The following ATP11C variants were observed in gnomAD, a reference collection of about 807,000 sequenced individuals.
The protein encoded by ATP11C is ATPase phospholipid transporting 11C (ATP11C blood group), also known as phospholipid-transporting ATPase IG.
In ATP11C, 36 loss-of-function variants were observed where a neutral mutation model predicts 97.4. The ratio of observed to expected loss-of-function variants is 0.37; its 90% CI spans 0.28 to 0.49. The LOEUF (loss-of-function observed/expected upper bound fraction) is 0.49, where lower values mean the gene tolerates loss of function less well. Among genes scored for constraint, ATP11C ranks in the 20% least tolerant of loss-of-function variants. The pLI, the probability that ATP11C is intolerant of heterozygous loss-of-function variation, is 0.98. For synonymous variants in ATP11C, 275 were observed against 290.9 expected (o/e 0.95, Z 0.56); for missense variants, 730 against 824.6 (o/e 0.89, Z 1.40).
At chrX:139,764,733 T>C (rs1349222805) in intron 20 of ATP11C, among the ~76,000 whole-genome samples, 1 of 112,168 alleles carries the variant, frequency 8.9e-6, no homozygotes, top group Non-Finnish European at 1.9e-5. Context: ...AGGTTTTAGT[T>C]GTATTAAATA....
intron 26 of ATP11C, among the ~76,000 whole-genome samples, chrX:139,742,882 T>A (rs1302974261): frequency 0.017 from 19 of 1,101 alleles, no homozygotes; most frequent in African/African-American, 0.034. Flanking sequence ...AAAAAATATA[T>A]ATATATATAT....
intron 1 of ATP11C, among the ~76,000 whole-genome samples, chrX:139,904,046 A>G (rs2084937792): frequency 8.9e-6 from 1 of 111,954 alleles, no homozygotes; most frequent in African/African-American, 3.3e-5. Context: ...TGTCTTTTGT[A>G]AACACTCTAA....
intron 6 of ATP11C, among the ~76,000 whole-genome samples, chrX:139,802,643 G>A (rs979578637): frequency 1.9e-4 from 21 of 111,704 alleles, no homozygotes; most frequent in Middle Eastern, 9.3e-3. Context: ...CTAAAACCAC[G>A]TGAAAAAGTT....
At chrX:139,734,282 A>T (rs890405000) in intron 28 of ATP11C, among the ~76,000 whole-genome samples, 1 of 96,325 alleles carries the variant, frequency 1.0e-5, no homozygotes, top group Non-Finnish European at 2.2e-5. Flanking sequence ...TGGCTCAGAC[A>T]GTTGACATTC....
chrX:139,931,033 C>A (rs1420952777), intron 1 of ATP11C, among the ~76,000 whole-genome samples: 1 of 111,881 alleles, frequency 8.9e-6, no homozygotes, highest in Non-Finnish European at 1.9e-5. Context: ...GCAGATGAAC[C>A]CTTTCTTCCA....
chrX:139,871,516 C>CTTTT (rs1206468631), intron 1 of ATP11C, among the ~76,000 whole-genome samples: 5 of 77,186 alleles, frequency 6.5e-5, no homozygotes, highest in African/African-American at 2.5e-4. Context: ...GCCACCCCCG[C>CTTTT]TTTTTTTTTT....
intron 1 of ATP11C, among the ~76,000 whole-genome samples, chrX:139,919,493 A>ACACACACACACAC (rs1569492588): frequency 2.0e-5 from 2 of 102,274 alleles, no homozygotes; most frequent in African/African-American, 3.7e-5. Flanking sequence ...ACACACACAC[A>ACACACACACACAC]AACTACTTAT....
At chrX:139,735,244 G>A (rs989644909) in intron 28 of ATP11C, among the ~76,000 whole-genome samples, 5 of 111,744 alleles carry the variant, frequency 4.5e-5, no homozygotes, top group Non-Finnish European at 9.4e-5. Context: ...AAATAGCTTA[G>A]CTTCTTTCTC....
chrX:139,896,652 T>TGC (rs1483803935), intron 1 of ATP11C, among the ~76,000 whole-genome samples: 2 of 91,927 alleles, frequency 2.2e-5, no homozygotes, highest in African/African-American at 9.9e-5. Flanking sequence ...TCTCTCTCTC[T>TGC]CTGCCCAGGC....
chrX:139,826,942 G>A, intron 1 of ATP11C, 119 bp from the exon 2 acceptor site: 1 of 741,634 alleles, frequency 1.3e-6, no homozygotes, highest in Non-Finnish European at 1.9e-6. Flanking sequence ...GTAGTAGGGA[G>A]AGGAGAAAAC....
At chrX:139,922,198 GTC>G (rs927137966) in intron 1 of ATP11C, among the ~76,000 whole-genome samples, 6 of 79,644 alleles carry the variant, frequency 7.5e-5, no homozygotes, top group Non-Finnish European at 7.2e-5. Context: ...GAGCAAGACT[GTC>G]TCTCTCTCTC....
rs151150323 is a variant in ATP11C at position 139,866,465 on chromosome X, C to T, written c.28-39642G>A. On this transcript the variant is annotated intron_variant, in intron 1 of 29. Coordinates refer to ENST00000682941, the MANE Select transcript of ATP11C (RefSeq NM_001353812.2). ...AGGCATCGTGGCTCACCCCTATAAT[C>T]CCAGCACATTGGGAAGCCAAGGTGG... is the stretch of plus-strand genomic sequence containing the variant. Among the ~76,000 whole-genome samples, 1,022 of 109,095 alleles carry T rather than the reference C, an allele frequency of 9.4e-3. 7 individuals carry two copies. Among genetic ancestry groups the T allele is most frequent in the Middle Eastern group, 0.019 (4 of 214 alleles). The allele number at this position is 109,095 out of a possible 115,157, so 94.7% of individuals were successfully genotyped here. A position where few individuals can be genotyped will look rare whatever the true frequency, so the allele number is the denominator to read the frequency against.
chrX:139,749,853 A>G (rs2081773328), intron 24 of ATP11C, among the ~76,000 whole-genome samples, 172 bp downstream of exon 24: 1 of 112,033 alleles, frequency 8.9e-6, no homozygotes, highest in African/African-American at 3.2e-5. Context: ...CACCTAGGAA[A>G]TATGTCATTT....
chrX:139,749,550 T>C (rs1028556220), intron 24 of ATP11C, among the ~76,000 whole-genome samples: 3 of 111,856 alleles, frequency 2.7e-5, no homozygotes, highest in Non-Finnish European at 5.6e-5. Context: ...TATGAGTCCA[T>C]TATTTTCTTC....
At chrX:139,866,343 C>CAAAAAAAAAAAAAAAAAA (rs57250412) in intron 1 of ATP11C, among the ~76,000 whole-genome samples, 8 of 27,546 alleles carry the variant, frequency 2.9e-4, no homozygotes, top group Admixed American at 5.9e-4. Context: ...GACTCTGTCT[C>CAAAAAAAAAAAAAAAAAA]AAAAAAAAAA....
At chrX:139,912,280 C>T (rs1010990152) in intron 1 of ATP11C, among the ~76,000 whole-genome samples, 4 of 108,756 alleles carry the variant, frequency 3.7e-5, no homozygotes, top group Admixed American at 2.0e-4. Flanking sequence ...TCTAAGTTTG[C>T]ATACATACAT....
At chrX:139,824,641 C>G (rs1341286244) in intron 2 of ATP11C, among the ~76,000 whole-genome samples, 3 of 111,243 alleles carry the variant, frequency 2.7e-5, no homozygotes, top group Admixed American at 9.5e-5. Context: ...GAGCCAAGAT[C>G]GCGCCACTGA....
At position 139,796,298 on chromosome X, in the gene ATP11C, G is replaced by C; in HGVS notation, c.1181C>G (p.Ser394Ter). The change falls in exon 12 of 30, where the codon TCA (serine) becomes TGA (stop). Residue 394 changes from serine to a stop codon, truncating the protein, a stop_gained. Transcript: ENST00000682941. LOFTEE classifies it high-confidence loss of function. ...CTGACCAAGTTCTTCATTAAGGTCTGATGTGTTAACCAGGGCTCCTTCATT... is the reference window on the plus strand; with the variant it reads ...CTGACCAAGTTCTTCATTAAGGTCTCATGTGTTAACCAGGGCTCCTTCATT... The part of the protein sequence containing the change: ...EINEGALVNT[S>*]DLNEELGQVD... The C allele has an allele frequency of 3.3e-6, 4 of 1,203,827 alleles. No individual in the cohort carries two copies. The highest frequency in any genetic ancestry group is 4.5e-6 in the Non-Finnish European group (4 of 891,378).
chrX:139,883,027 G>C (rs2084585535), intron 1 of ATP11C, among the ~76,000 whole-genome samples: 1 of 111,359 alleles, frequency 9.0e-6, no homozygotes, highest in South Asian at 3.8e-4. Flanking sequence ...GAAAGGGCAT[G>C]TTTTTCAAAA....
Sources: gnomAD v4.1 joint callset for allele counts (sites outside exome capture counted in the v4.1 genomes callset) on GRCh38, gnomAD v4.1.1 for gene constraint, MANE v1.5 for transcripts, NCBI Gene and HGNC (gene_info 2026-07-23, HGNC 2026-07-21) for gene names.